The following SEMA3A variants were observed in gnomAD, a reference collection of about 807,000 sequenced individuals.
The protein encoded by SEMA3A is semaphorin 3A.
In SEMA3A, 29 loss-of-function variants were observed where a neutral mutation model predicts 97.9. The ratio of observed to expected loss-of-function variants is 0.30; its 90% CI spans 0.22 to 0.40. The LOEUF (loss-of-function observed/expected upper bound fraction) is 0.40. SEMA3A is among the 10% of genes least tolerant of loss of function. SEMA3A has a pLI of 1.00. For missense variants in SEMA3A, 763 were observed against 951.3 expected (o/e 0.80, Z 2.60); for synonymous variants, 321 against 323.7 (o/e 0.99, Z 0.09).
intron 1 of SEMA3A, among the ~76,000 whole-genome samples, chr7:84,391,077 T>A (rs564847868): frequency 1.3e-5 from 2 of 152,276 alleles, no homozygotes; most frequent in South Asian, 4.1e-4. Context: ...GTCAACTGTT[T>A]GTTTGCGAAG....
chr7:84,312,917 T>TAC (rs1220435467), intron 2 of SEMA3A, among the ~76,000 whole-genome samples: 41 of 38,256 alleles, frequency 1.1e-3, no homozygotes, highest in African/African-American at 1.6e-3. Context: ...TATATATATA[T>TAC]ATATACACAC....
chr7:84,099,116 G>C (rs1794869616), intron 4 of SEMA3A, among the ~76,000 whole-genome samples: 1 of 51,354 alleles, frequency 1.9e-5, no homozygotes, highest in Non-Finnish European at 6.5e-5. Context: ...TGTCGCCCAG[G>C]CTGGAGTGCA....
chr7:84,424,541 T>C (rs1200989631), intron 1 of SEMA3A, among the ~76,000 whole-genome samples: 16 of 92,758 alleles, frequency 1.7e-4, no homozygotes, highest in African/African-American at 7.7e-4. Flanking sequence ...AATATATAAA[T>C]ATTAATATAT....
At chr7:84,119,750 C>T (rs1211173899) in intron 3 of SEMA3A, among the ~76,000 whole-genome samples, 1 of 152,096 alleles carries the variant, frequency 6.6e-6, no homozygotes. Flanking sequence ...ACAAGTATTA[C>T]AAACTACGTG....
At chr7:84,447,659 C>T (rs766611157) in intron 1 of SEMA3A, among the ~76,000 whole-genome samples, 5 of 152,166 alleles carry the variant, frequency 3.3e-5, no homozygotes, top group East Asian at 1.9e-4. Flanking sequence ...GCTGTTCTGT[C>T]GCTCAATAAA....
intron 3 of SEMA3A, among the ~76,000 whole-genome samples, chr7:84,208,332 A>G (rs953190446): frequency 1.8e-4 from 27 of 151,868 alleles, no homozygotes; most frequent in Middle Eastern, 3.4e-3. Context: ...GGCGCCTGTA[A>G]TCCCAGCTAC....
intron 1 of SEMA3A, among the ~76,000 whole-genome samples, chr7:84,172,824 A>C (rs1797434260): frequency 6.6e-6 from 1 of 152,220 alleles, no homozygotes; most frequent in African/African-American, 2.4e-5. Flanking sequence ...ATGATTTACC[A>C]ACCTCTCAGT....
At chr7:84,312,111 T>C (rs1335333412) in intron 2 of SEMA3A, among the ~76,000 whole-genome samples, 3 of 152,008 alleles carry the variant, frequency 2.0e-5, no homozygotes, top group African/African-American at 4.8e-5. Flanking sequence ...GTGTATGGCA[T>C]CTATCTTTTA....
intron 3 of SEMA3A, among the ~76,000 whole-genome samples, chr7:84,233,406 T>G (rs1799161376): frequency 6.6e-6 from 1 of 152,008 alleles, no homozygotes; most frequent in East Asian, 1.9e-4. Context: ...TAAATAGCAT[T>G]TACTTAATAA....
At chr7:84,167,686 T>C (rs1294145193) in intron 1 of SEMA3A, among the ~76,000 whole-genome samples, 1 of 152,192 alleles carries the variant, frequency 6.6e-6, no homozygotes, top group Non-Finnish European at 1.5e-5. Flanking sequence ...AATTATCTGG[T>C]ACAGGCTTTT....
intron 1 of SEMA3A, among the ~76,000 whole-genome samples, chr7:84,445,055 G>C (rs1805374801): frequency 6.6e-6 from 1 of 152,000 alleles, no homozygotes; most frequent in Admixed American, 6.6e-5. Context: ...ACTAGATCCT[G>C]TTTTGACATA....
rs1292889903 is a variant in SEMA3A, at chr7:84,367,712, G to A, written c.-169+4112C>T. Among the ~76,000 whole-genome samples, 7 of 150,930 alleles carry A rather than the reference G, an allele frequency of 4.6e-5. No individual in the cohort carries two copies. In the East Asian group the frequency reaches 1.4e-3, roughly 29 times the overall value. ...GCAGATAGGTGAGAAAGCAAGACTTGCATTTGGAATAATGAGTAGACCTAT... is the reference window on the plus strand; with the variant it reads ...GCAGATAGGTGAGAAAGCAAGACTTACATTTGGAATAATGAGTAGACCTAT... On this transcript the variant is annotated intron_variant, in intron 2 of 3. Coordinates refer to the SEMA3A transcript ENST00000424555.
At chr7:84,209,739 A>G (rs12707631) in intron 3 of SEMA3A, among the ~76,000 whole-genome samples, 5,794 of 152,298 alleles carry the variant, frequency 0.038, 121 homozygotes, top group Middle Eastern at 0.071. Flanking sequence ...ATACTCTGCC[A>G]TTCAAACTAT....
rs1441124125 is a variant in SEMA3A at position 83,957,440 on chromosome 7, A to G, written c.*3931T>C. On this transcript the variant is annotated 3_prime_UTR_variant, in exon 17 of 17. Transcript: ENST00000265362. ...TAAAAGGCAAAGTGTCTAGAGGCCC[A>G]GTTTTTTAATATTCAAAATCTTCTT... is the stretch of plus-strand genomic sequence containing the variant. 1 of 152,088 alleles carries G rather than the reference A, an allele frequency of 6.6e-6. No homozygotes were observed. The highest frequency in any genetic ancestry group is 6.6e-5 in the Admixed American group (1 of 15,260). The allele number at this position is 152,088 out of a possible 1,614,324, so 9.4% of individuals were successfully genotyped here.
intron 3 of SEMA3A, among the ~76,000 whole-genome samples, chr7:84,260,403 G>A (rs546826400): frequency 5.9e-5 from 9 of 152,194 alleles, no homozygotes; most frequent in South Asian, 4.1e-4. Context: ...AGCCCCACCC[G>A]CCACCAAGTT....
Position 84,194,589 on chromosome 7 carries a change from T to C in SEMA3A, c.-3A>G, listed in dbSNP as rs1208325548. On this transcript the variant is annotated 5_prime_UTR_variant, in exon 1 of 17. Coordinates refer to ENST00000265362, the MANE Select transcript of SEMA3A (RefSeq NM_006080.3). ...ACAATCCTAGTTAACCAGCCCATGC[T>C]GCAGACGCTGTAGGTCCCTTTGCTG... 2 of 1,575,632 alleles carry C rather than the reference T, an allele frequency of 1.3e-6. No individual in the cohort carries two copies. Among genetic ancestry groups the C allele is most frequent in the Non-Finnish European group, 1.7e-6 (2 of 1,144,962 alleles).
intron 1 of SEMA3A, among the ~76,000 whole-genome samples, chr7:84,422,420 T>G (rs1348975580): frequency 6.6e-6 from 1 of 152,088 alleles, no homozygotes; most frequent in African/African-American, 2.4e-5. Context: ...TATTCTTTAT[T>G]GGTCTGGCTA....
chr7:84,166,316 G>A (rs952264173), intron 1 of SEMA3A, among the ~76,000 whole-genome samples: 20 of 150,356 alleles, frequency 1.3e-4, no homozygotes, highest in African/African-American at 4.7e-4. Flanking sequence ...GCTCACACCT[G>A]TAATCCCAGC....
chr7:84,002,324 CA>C (rs1404766914), intron 11 of SEMA3A, among the ~76,000 whole-genome samples: 1 of 152,148 alleles, frequency 6.6e-6, no homozygotes, highest in Non-Finnish European at 1.5e-5. Flanking sequence ...CATGAGACTG[CA>C]TACATTTTTT....
Sources: gnomAD v4.1 joint callset for allele counts (sites outside exome capture counted in the v4.1 genomes callset) on GRCh38, gnomAD v4.1.1 for gene constraint, MANE v1.5 for transcripts, NCBI Gene and HGNC (gene_info 2026-07-23, HGNC 2026-07-21) for gene names.